The following PFKFB3 variants were observed in gnomAD, a reference collection of about 807,000 sequenced individuals.
PFKFB3 encodes the protein 6-phosphofructo-2-kinase/fructose-2,6-bisphosphatase 3.
In PFKFB3, 33 loss-of-function variants were observed where a neutral mutation model predicts 68.0. That is an observed-to-expected ratio of 0.49 (90% CI 0.37 to 0.65). PFKFB3 has a LOEUF of 0.65. Among genes scored for constraint, PFKFB3 ranks in the 30% least tolerant of loss-of-function variants. The pLI is 0.00. For synonymous variants in PFKFB3, 315 were observed against 288.2 expected, an observed-to-expected ratio of 1.09 and a Z score of -0.94; for missense variants, 586 against 712.2, an observed-to-expected ratio of 0.82 and a Z score of 2.02.
chr10:6,189,061 G>T (rs947998338), intron 1 of PFKFB3, among the ~76,000 whole-genome samples: 1 of 152,026 alleles, frequency 6.6e-6, no homozygotes, highest in Non-Finnish European at 1.5e-5. Flanking sequence ...GGATGGTCTC[G>T]ATCTCCTGAC....
At chr10:6,226,159 C>A in intron 13 of PFKFB3, 33 bp from the exon 14 acceptor site, 1 of 1,521,536 alleles carries the variant, frequency 6.6e-7, no homozygotes, top group Non-Finnish European at 8.8e-7. Flanking sequence ...TTGTAACTGT[C>A]GCCTTTCTCT....
chr10:6,265,082 AT>A, the PFKFB3 span, among the ~76,000 whole-genome samples: 188 of 134,478 alleles, frequency 1.4e-3, 1 homozygote, highest in African/African-American at 4.7e-3. Context: ...TTTTTCTTTC[AT>A]TTTTTTTTTT....
chr10:6,302,374 T>TTG, the PFKFB3 span, among the ~76,000 whole-genome samples: 5 of 94,530 alleles, frequency 5.3e-5, no homozygotes, highest in African/African-American at 2.0e-4. Context: ...TTTTTTTTTT[T>TTG]TTTTTTTTTT....
downstream of PFKFB3, among the ~76,000 whole-genome samples, chr10:6,237,778 C>T (rs926531351): frequency 2.6e-5 from 4 of 152,014 alleles, no homozygotes; most frequent in South Asian, 2.1e-4. Context: ...GTTGCCCAGG[C>T]TGGTCTTGAA....
the PFKFB3 span, among the ~76,000 whole-genome samples, chr10:6,295,188 C>T: frequency 6.6e-6 from 1 of 152,026 alleles, no homozygotes; most frequent in Non-Finnish European, 1.5e-5. Flanking sequence ...TTCCTAGAGA[C>T]TCCTTGAATA....
At chr10:6,310,439 G>A in the PFKFB3 span, among the ~76,000 whole-genome samples, 1 of 152,088 alleles carries the variant, frequency 6.6e-6, no homozygotes, top group African/African-American at 2.4e-5. Context: ...GCGAGTCTCT[G>A]CGCTGGTGTT....
chr10:6,239,288 A>T (rs2132072321), downstream of PFKFB3, among the ~76,000 whole-genome samples: 1 of 152,312 alleles, frequency 6.6e-6, no homozygotes, highest in South Asian at 2.1e-4. Flanking sequence ...TCAGATATGG[A>T]ACTGTAGTCA....
the PFKFB3 span, among the ~76,000 whole-genome samples, chr10:6,287,341 G>A: frequency 5.9e-5 from 9 of 151,976 alleles, no homozygotes; most frequent in South Asian, 2.1e-4. Context: ...CTGCCTGCCC[G>A]GGCCTCTCAA....
chr10:6,297,400 T>C, the PFKFB3 span, among the ~76,000 whole-genome samples: 1 of 152,114 alleles, frequency 6.6e-6, no homozygotes, highest in East Asian at 1.9e-4. Context: ...AAAGGCCACA[T>C]CCGTGAGCAC....
intron 1 of PFKFB3, among the ~76,000 whole-genome samples, chr10:6,162,989 C>G (rs2131718020): frequency 6.6e-6 from 1 of 152,318 alleles, no homozygotes; most frequent in African/African-American, 2.4e-5. Flanking sequence ...TCAAACGGAT[C>G]AGTTATTCCA....
chr10:6,302,072 T>G, the PFKFB3 span, among the ~76,000 whole-genome samples: 1 of 151,622 alleles, frequency 6.6e-6, no homozygotes, highest in African/African-American at 2.4e-5. Context: ...TTTTTTTTTT[T>G]GAAACAGAGT....
In PFKFB3 at chr10:6,222,975, A is replaced by G; in HGVS notation, c.1204A>G (p.Lys402Glu). 1 of 1,613,334 alleles carries G rather than the reference A, an allele frequency of 6.2e-7. No homozygotes were observed. The highest frequency in any genetic ancestry group is 8.5e-7 in the Non-Finnish European group (1 of 1,179,568). ...LRCLLAYFLD[K>E]SAEEMPYLKC... Reference sequence around the variant, plus strand: ...CTGCCTGCTTGCCTACTTCCTGGATAAGAGTGCAGGTACCTCGGGCAGGTC... The same window carrying G: ...CTGCCTGCTTGCCTACTTCCTGGATGAGAGTGCAGGTACCTCGGGCAGGTC... Residue 402 changes from lysine to glutamate, a missense_variant, in exon 11 of 15, where the codon AAG (lysine) becomes GAG (glutamate). Lys to Glu is a moderately conservative substitution (Grantham distance 56). Coordinates refer to ENST00000379775, the MANE Select transcript of PFKFB3 (RefSeq NM_004566.4).
intron 6 of PFKFB3, 175 bp from the exon 7 acceptor site, chr10:6,219,394 C>T: frequency 1.6e-6 from 1 of 624,728 alleles, no homozygotes; most frequent in Non-Finnish European, 2.8e-6. Context: ...CCCCATGTAA[C>T]ATCAGGCTGT....
chr10:6,251,011 G>A (rs57319805), intron 14 of PFKFB3, among the ~76,000 whole-genome samples: 2 of 152,026 alleles, frequency 1.3e-5, no homozygotes, highest in Non-Finnish European at 2.9e-5. Context: ...TGTTTTAATT[G>A]GTTTGAATAC....
At chr10:6,304,587 C>A in the PFKFB3 span, among the ~76,000 whole-genome samples, 4 of 151,386 alleles carry the variant, frequency 2.6e-5, no homozygotes, top group East Asian at 7.7e-4. Context: ...TCTCAAACTC[C>A]TGATCTCAAG....
intron 1 of PFKFB3, chr10:6,146,608 C>T (rs1841397528): frequency 8.9e-7 from 1 of 1,118,816 alleles, no homozygotes. Context: ...TTCATCGCTT[C>T]TGCCCACTTT....
chr10:6,202,804 G>C (rs1843417703), upstream of PFKFB3: 3 of 871,472 alleles, frequency 3.4e-6, no homozygotes, highest in South Asian at 1.4e-4. Flanking sequence ...GCTGCTTCCC[G>C]GCTCGCCCAC....
intron 14 of PFKFB3, among the ~76,000 whole-genome samples, 174 bp from the exon 15 acceptor site, chr10:6,232,721 C>T (rs1162869596): frequency 6.6e-6 from 1 of 152,092 alleles, no homozygotes; most frequent in Non-Finnish European, 1.5e-5. Context: ...TTCTGAGGCC[C>T]ACCTGGGCTC....
Position 6,203,320 on chromosome 10 carries a change from G to T in PFKFB3, c.60G>T (p.Arg20Ser). The T allele has an allele frequency of 6.2e-7, 1 of 1,609,008 alleles. No homozygotes were observed. Among genetic ancestry groups the T allele is most frequent in the Non-Finnish European group, 8.5e-7 (1 of 1,177,906 alleles). The stretch of plus-strand genomic sequence containing the variant: ...AGATCTGGGTGCCCGTGGACCACAG[G>T]CCCTCGTTGCCCAGATGTGAGTGCA... ...VQKIWVPVDHRPSLPRSCGPK... is the reference protein window; with the variant it reads ...VQKIWVPVDHSPSLPRSCGPK... The change falls in exon 1 of 15, where the codon AGG (arginine) becomes AGT (serine). Residue 20 changes from arginine (R) to serine (S), a missense_variant. By Grantham distance (110) the Arg-to-Ser change is moderately radical. Transcript: ENST00000379775.
Sources: gnomAD v4.1 joint callset for allele counts (sites outside exome capture counted in the v4.1 genomes callset) on GRCh38, gnomAD v4.1.1 for gene constraint, MANE v1.5 for transcripts, NCBI Gene and HGNC (gene_info 2026-07-23, HGNC 2026-07-21) for gene names.